Variants in DSC2 observed in about 807,000 individuals in gnomAD.
The protein encoded by DSC2 is desmocollin 2, also known as desmocollin-2.
In DSC2, 51 loss-of-function variants were observed where a neutral mutation model predicts 87.6. The ratio of observed to expected loss-of-function variants is 0.58; its 90% CI spans 0.46 to 0.74. DSC2 has a LOEUF of 0.74. Among genes scored for constraint, DSC2 ranks in the 30% least tolerant of loss-of-function variants. The probability of loss-of-function intolerance (pLI) is 0.00; values close to 1 mark genes in which losing one functional copy is unlikely to be tolerated. For missense variants in DSC2, 1,066 were observed against 1,089.5 expected, an observed-to-expected ratio of 0.98 and a Z score of 0.30; for synonymous variants, 383 against 393.2, an observed-to-expected ratio of 0.97 and a Z score of 0.31.
intron 13 of DSC2, among the ~76,000 whole-genome samples, 196 bp downstream of exon 13, chr18:31,071,409 T>C (rs1370764457): frequency 2.0e-5 from 3 of 151,992 alleles, no homozygotes; most frequent in African/African-American, 7.2e-5. Context: ...TAGCTGGGCA[T>C]TGTGGCGCAC....
chr18:31,088,246 C>T (rs886608940), intron 5 of DSC2, among the ~76,000 whole-genome samples: 1 of 152,074 alleles, frequency 6.6e-6, no homozygotes, highest in Non-Finnish European at 1.5e-5. Context: ...GGGATATTAT[C>T]CTATTTTCTA....
At chr18:31,100,784 C>A (rs1987916597) in intron 1 of DSC2, among the ~76,000 whole-genome samples, 1 of 152,212 alleles carries the variant, frequency 6.6e-6, no homozygotes, top group Admixed American at 6.5e-5. Context: ...GATTGGCGCC[C>A]AACGCCTTCT....
intron 5 of DSC2, among the ~76,000 whole-genome samples, chr18:31,088,907 T>C (rs919200607): frequency 6.6e-6 from 1 of 152,012 alleles, no homozygotes; most frequent in Non-Finnish European, 1.5e-5. Flanking sequence ...CTCAGTCCTG[T>C]AATCCCAGCA....
chr18:31,094,501 T>C (rs1395203447), intron 1 of DSC2, among the ~76,000 whole-genome samples: 1 of 152,226 alleles, frequency 6.6e-6, no homozygotes, highest in Non-Finnish European at 1.5e-5. Flanking sequence ...GTAAACACAC[T>C]GAAATTTAAT....
At chr18:31,081,193 T>A (rs1987207787) in intron 9 of DSC2, among the ~76,000 whole-genome samples, 1 of 152,216 alleles carries the variant, frequency 6.6e-6, no homozygotes, top group East Asian at 1.9e-4. Flanking sequence ...GGGTAAATTT[T>A]TTTAAAATGC....
chr18:31,092,584 T>C (rs188845468), intron 2 of DSC2, among the ~76,000 whole-genome samples: 10 of 152,246 alleles, frequency 6.6e-5, no homozygotes, highest in African/African-American at 2.4e-4. Flanking sequence ...CAAAACAATT[T>C]TTTTCTTTAT....
Position 31,080,269 on chromosome 18 carries a change from TG to T in DSC2, c.1346del (p.Pro449GlnfsTer5). ...NEAPFSREAS[P>X]RSAMSTATVT... The stretch of plus-strand genomic sequence containing the variant: ...CTGTTGCTGTGCTCATGGCTGATCT[TG>T]GACTAGCCTCTCTGGAAAATGGAGC... On this transcript the variant is annotated frameshift_variant, in exon 10 of 16. Transcript: ENST00000280904. LOFTEE classifies it high-confidence loss of function. 2 of 1,614,108 alleles carry T rather than the reference TG, an allele frequency of 1.2e-6. No homozygotes were observed. The highest frequency in any genetic ancestry group is 1.7e-6 in the Non-Finnish European group (2 of 1,180,006).
chr18:31,075,856 G>A (rs1022769913), intron 11 of DSC2, among the ~76,000 whole-genome samples: 2 of 150,632 alleles, frequency 1.3e-5, no homozygotes, highest in African/African-American at 2.4e-5. Context: ...ATCTCAAAAC[G>A]AAAAAAAGAA....
chr18:31,099,798 T>G (rs539254539), intron 1 of DSC2, among the ~76,000 whole-genome samples: 1 of 152,128 alleles, frequency 6.6e-6, no homozygotes, highest in East Asian at 1.9e-4. Context: ...AGCTGATTTG[T>G]GGAATGGTGA....
chr18:31,094,904 T>C (rs886425263), intron 1 of DSC2, among the ~76,000 whole-genome samples: 1 of 152,196 alleles, frequency 6.6e-6, no homozygotes, highest in Non-Finnish European at 1.5e-5. Flanking sequence ...CTCAAGGTGA[T>C]TGGAAGAATA....
chr18:31,100,642 T>C (rs1188541411), intron 1 of DSC2, among the ~76,000 whole-genome samples: 1 of 152,174 alleles, frequency 6.6e-6, no homozygotes, highest in Non-Finnish European at 1.5e-5. Flanking sequence ...CAATTCATGA[T>C]TGTAAAATGT....
At chr18:31,091,418 G>GA (rs3216154) in intron 3 of DSC2, 98 of 530,766 alleles carry the variant, frequency 1.8e-4, no homozygotes, top group East Asian at 4.7e-4. Context: ...AAGCAAAACT[G>GA]AAAAAAAAAT....
In DSC2 at chr18:31,070,673, G is replaced by C. The variant is rs771736377; in HGVS notation, c.2250+53C>G. ...GAAAAGATCATTTTAGAAGGAATAC[G>C]CATTATAAGCGAATTCATCCTTTGT... On this transcript the variant is annotated intron_variant, in intron 14 of 15. Coordinates refer to ENST00000280904, the MANE Select transcript of DSC2 (RefSeq NM_024422.6). 42 of 1,609,238 alleles carry C rather than the reference G, an allele frequency of 2.6e-5. No individual in the cohort carries two copies. The Middle Eastern group carries it at 1.2e-3, about 45-fold the overall frequency.
intron 6 of DSC2, 111 bp downstream of exon 6, chr18:31,087,558 G>T: frequency 1.6e-6 from 2 of 1,265,722 alleles, no homozygotes; most frequent in East Asian, 2.3e-5. Flanking sequence ...TCCACCCAGA[G>T]TCCCTTATTC....
chr18:31,101,703 C>T, intron 1 of DSC2, 200 bp downstream of exon 1: 1 of 597,702 alleles, frequency 1.7e-6, no homozygotes, highest in Non-Finnish European at 2.9e-6. Flanking sequence ...CTTCCCTTCC[C>T]TTGGGGATCC....
intron 11 of DSC2, among the ~76,000 whole-genome samples, chr18:31,077,691 T>C (rs1987069084): frequency 6.6e-6 from 1 of 152,216 alleles, no homozygotes; most frequent in South Asian, 2.1e-4. Flanking sequence ...CTTCTAGTAA[T>C]AATATAATTC....
intron 15 of DSC2, 123 bp downstream of exon 15, chr18:31,068,771 G>C: frequency 1.5e-6 from 2 of 1,295,868 alleles, no homozygotes; most frequent in Admixed American, 4.0e-5. Context: ...AAAAATAATA[G>C]CTTTCAATTA....
intron 2 of DSC2, among the ~76,000 whole-genome samples, chr18:31,092,930 A>G (rs888174663): frequency 6.6e-6 from 1 of 152,202 alleles, no homozygotes; most frequent in East Asian, 1.9e-4. Flanking sequence ...GTAAATGTTA[A>G]TAATTATTAC....
rs970364730 is a variant in DSC2, at chr18:31,065,372, T to G, written c.*2643A>C. The stretch of plus-strand genomic sequence containing the variant: ...GCAGTGGCTAAGGTACATGATTGAG[T>G]GCTAACTCTATGCCAACTCTTTTCA... On this transcript the variant is annotated 3_prime_UTR_variant, in exon 16 of 16. Transcript: ENST00000280904. 2.0e-5 allele frequency: 3 copies of G among 152,232 alleles called. No individual in the cohort carries two copies. In the South Asian group the frequency reaches 6.2e-4, roughly 32 times the overall value. The allele number at this position is 152,232 out of a possible 1,614,324, so 9.4% of individuals were successfully genotyped here. A position where few individuals can be genotyped will look rare whatever the true frequency, so the allele number is the denominator to read the frequency against.
Sources: allele counts gnomAD v4.1 joint callset (sites outside exome capture counted in the v4.1 genomes callset), GRCh38; gene constraint gnomAD v4.1.1; transcripts MANE v1.5; gene names NCBI Gene and HGNC (gene_info 2026-07-23, HGNC 2026-07-21).